LSM14A: variants seen among roughly 807,000 people sequenced by gnomAD.
The protein encoded by LSM14A is protein LSM14 homolog A.
LSM14A carries 14 observed loss-of-function variants against 52.4 expected under a neutral mutation model. The ratio of observed to expected loss-of-function variants is 0.27; its 90% CI spans 0.18 to 0.42. The LOEUF (loss-of-function observed/expected upper bound fraction) is 0.42. LSM14A is among the 10% of genes least tolerant of loss of function. The pLI is 1.00. For missense variants in LSM14A, 417 were observed against 581.8 expected (o/e 0.72, Z 2.91); for synonymous variants, 185 against 200.3 (o/e 0.92, Z 0.64).
chr19:34,227,278 A>C (rs1422114426), intron 9 of LSM14A, 87 bp from the exon 10 acceptor site: 13 of 865,278 alleles, frequency 1.5e-5, no homozygotes, highest in Non-Finnish European at 2.2e-5. Flanking sequence ...ATATTTAAAG[A>C]TAATTTAAAA....
chr19:34,185,716 ATATCTCAGATAGTTTCTG>A (rs1357347263), intron 1 of LSM14A, among the ~76,000 whole-genome samples: 6 of 152,216 alleles, frequency 3.9e-5, no homozygotes, highest in Non-Finnish European at 5.9e-5. Flanking sequence ...TTATTCCAAC[ATATCTCAGATAGTTTCTG>A]TATCTCAGAT....
chr19:34,216,458 G>C (rs2072602957), intron 6 of LSM14A, among the ~76,000 whole-genome samples: 1 of 151,984 alleles, frequency 6.6e-6, no homozygotes, highest in Admixed American at 6.6e-5. Context: ...TCTACTTAGT[G>C]GTAGGCCTTT....
At chr19:34,227,317 A>G (rs746552447) in intron 9 of LSM14A, 48 bp from the exon 10 acceptor site, 7 of 1,297,688 alleles carry the variant, frequency 5.4e-6, no homozygotes, top group Non-Finnish European at 6.6e-6. Context: ...AAAGAAAATA[A>G]TACACCAATA....
chr19:34,176,304 G>A (rs1180966874), intron 1 of LSM14A, among the ~76,000 whole-genome samples: 4 of 151,426 alleles, frequency 2.6e-5, no homozygotes, highest in African/African-American at 9.7e-5. Context: ...AATTTCTCAG[G>A]GAGAGTGTTA....
chr19:34,183,749 G>A (rs545428544), intron 1 of LSM14A, among the ~76,000 whole-genome samples: 48 of 152,256 alleles, frequency 3.2e-4, no homozygotes, highest in African/African-American at 1.2e-3. Flanking sequence ...AAAAGGCTCA[G>A]GAGTTGACAT....
chr19:34,194,654 A>G lies in LSM14A; in HGVS notation c.285+13A>G. 6.2e-7 allele frequency: 1 copy of G among 1,613,864 alleles called. No homozygotes were observed. ...AGCTATTGTTCAGGTAACTGATGGT[A>G]AATTTGTCTTGGAGTACAGGTAAAC... On this transcript the variant is annotated intron_variant, in intron 2 of 9. Transcript: ENST00000544216.
intron 4 of LSM14A, among the ~76,000 whole-genome samples, chr19:34,209,656 C>T (rs62102136): frequency 0.21 from 31,889 of 152,058 alleles, 4,453 homozygotes; most frequent in Non-Finnish European, 0.32. Context: ...TTATCCATAC[C>T]TTTTATTCTT....
intron 1 of LSM14A, among the ~76,000 whole-genome samples, chr19:34,187,689 G>T (rs1267619728): frequency 6.6e-6 from 1 of 152,040 alleles, no homozygotes; most frequent in Non-Finnish European, 1.5e-5. Context: ...AACATTTTTG[G>T]TATTTTATAA....
At chr19:34,220,510 A>G (rs535385968) in intron 8 of LSM14A, among the ~76,000 whole-genome samples, 7 of 152,204 alleles carry the variant, frequency 4.6e-5, no homozygotes, top group Non-Finnish European at 1.0e-4. Flanking sequence ...TAAAACTGCC[A>G]GATTGTAGTA....
rs762884210 is a variant in LSM14A at position 34,219,732 on chromosome 19, C to G, written c.991C>G (p.Pro331Ala). ...AGATAAACTTGAGAAACAGGAGAAG[C>G]CTGTAAATGGTGAAGATAAAGGAGA... ...KEDKLEKQEK[P>A]VNGEDKGDSG... The change falls in exon 8 of 10, where the codon CCT becomes GCT. Residue 331 changes from proline to alanine, a missense_variant. By Grantham distance (27) the Pro-to-Ala change is conservative (BLOSUM62 -1). This residue lies in a region of LSM14A where 357 missense variants were observed against 457.0 expected (regional missense o/e 0.78). Coordinates refer to ENST00000544216, the MANE Select transcript of LSM14A (RefSeq NM_015578.4). 1.7e-5 allele frequency: 28 copies of G among 1,611,510 alleles called. No homozygotes were observed. The highest frequency in any genetic ancestry group is 2.4e-5 in the Non-Finnish European group (28 of 1,179,426).
intron 4 of LSM14A, among the ~76,000 whole-genome samples, chr19:34,211,276 C>T (rs1301743462): frequency 6.7e-6 from 1 of 150,112 alleles, no homozygotes; most frequent in Non-Finnish European, 1.5e-5. Flanking sequence ...CCAGCTTGGG[C>T]GACAGAGCGA....
intron 4 of LSM14A, among the ~76,000 whole-genome samples, chr19:34,213,238 T>C (rs2072303963): frequency 6.6e-6 from 1 of 152,116 alleles, no homozygotes; most frequent in South Asian, 2.1e-4. Context: ...AACCATGATT[T>C]CCCATTATAA....
At chr19:34,174,672 G>A (rs2068957056) in intron 1 of LSM14A, among the ~76,000 whole-genome samples, 1 of 152,122 alleles carries the variant, frequency 6.6e-6, no homozygotes, top group African/African-American at 2.4e-5. Flanking sequence ...TTATACAATA[G>A]TTACTTAGCT....
At chr19:34,173,627 A>T (rs927293292) in intron 1 of LSM14A, among the ~76,000 whole-genome samples, 4 of 152,196 alleles carry the variant, frequency 2.6e-5, no homozygotes, top group African/African-American at 9.7e-5. Flanking sequence ...TTCCGTTCAC[A>T]CGTGCAGGGC....
Position 34,209,030 on chromosome 19 carries a change from C to G in LSM14A, c.517C>G (p.Leu173Val). ...TGCCTTTACACAGGATACAAGATCT[C>G]TAAAAACACAGTTATCTCAAGGTAA... is the stretch of plus-strand genomic sequence containing the variant. ...GSAFTQDTRS[L>V]KTQLSQGRSS... The change falls in exon 4 of 10, where the codon CTA becomes GTA. Residue 173 changes from leucine to valine, a missense_variant. Physicochemically the swap from Leu to Val is conservative, Grantham distance 32. This residue lies in a region of LSM14A where 357 missense variants were observed against 457.0 expected (regional missense o/e 0.78). Coordinates refer to ENST00000544216, the MANE Select transcript of LSM14A (RefSeq NM_015578.4). 6.3e-7 allele frequency: 1 copy of G among 1,583,758 alleles called. No homozygotes were observed. The highest frequency in any genetic ancestry group is 8.6e-7 in the Non-Finnish European group (1 of 1,162,732).
intron 1 of LSM14A, among the ~76,000 whole-genome samples, chr19:34,178,950 G>T (rs1599656759): frequency 6.6e-6 from 1 of 152,206 alleles, no homozygotes; most frequent in African/African-American, 2.4e-5. Flanking sequence ...TTACACAGTG[G>T]TGACATGTAT....
chr19:34,206,700 A>G (rs1323073735), intron 3 of LSM14A, among the ~76,000 whole-genome samples: 1 of 152,104 alleles, frequency 6.6e-6, no homozygotes, highest in Non-Finnish European at 1.5e-5. Flanking sequence ...AATTCAGAGA[A>G]TACAGGAAGA....
At chr19:34,191,003 A>G (rs1410885484) in intron 1 of LSM14A, among the ~76,000 whole-genome samples, 4 of 151,878 alleles carry the variant, frequency 2.6e-5, no homozygotes, top group African/African-American at 2.4e-5. Flanking sequence ...TCTTTTGTCT[A>G]TCTCAGGGGC....
intron 1 of LSM14A, among the ~76,000 whole-genome samples, chr19:34,184,058 T>TC (rs1045090679): frequency 2.0e-5 from 3 of 149,658 alleles, no homozygotes; most frequent in South Asian, 2.1e-4. Flanking sequence ...TCCTTTGCTT[T>TC]TTTTTTTTTT....
Sources: gnomAD v4.1 joint callset for allele counts (sites outside exome capture counted in the v4.1 genomes callset) on GRCh38, gnomAD v4.1.1 for gene constraint, gnomAD v4.1.1 regional missense constraint, MANE v1.5 for transcripts, NCBI Gene and HGNC (gene_info 2026-07-23, HGNC 2026-07-21) for gene names.